The following BRINP1 variants were observed in gnomAD, a reference collection of about 807,000 sequenced individuals.
BRINP1 encodes BMP/retinoic acid-inducible neural-specific protein 1.
A neutral mutation model predicts 72.9 loss-of-function variants in BRINP1; 17 were observed. The observed-to-expected ratio is 0.23, with a 90% CI of 0.16 to 0.35. The LOEUF is 0.35. Ranked by LOEUF, BRINP1 falls within the 10% of genes least tolerant of loss-of-function variation. The pLI, the probability that BRINP1 is intolerant of heterozygous loss-of-function variation, is 1.00. For missense variants in BRINP1, 850 were observed against 1,001.6 expected (o/e 0.85, Z 2.04); for synonymous variants, 418 against 378.5 (o/e 1.10, Z -1.21).
intron 7 of BRINP1, among the ~76,000 whole-genome samples, chr9:119,169,555 G>A (rs1323824976): frequency 1.3e-5 from 2 of 151,784 alleles, no homozygotes; most frequent in African/African-American, 2.4e-5. Flanking sequence ...GGCTGGGGGA[G>A]GGGCGCCCGC....
intron 7 of BRINP1, among the ~76,000 whole-genome samples, chr9:119,201,242 A>C (rs191025568): frequency 6.6e-6 from 1 of 152,192 alleles, no homozygotes; most frequent in African/African-American, 2.4e-5. Flanking sequence ...TTTTACTTTG[A>C]ACTATAGGCT....
intron 1 of BRINP1, among the ~76,000 whole-genome samples, chr9:119,314,949 T>C (rs940453756): frequency 1.3e-5 from 2 of 152,218 alleles, no homozygotes; most frequent in Admixed American, 6.5e-5. Context: ...TTATTCCCTA[T>C]GACAGTGTTT....
In BRINP1 at chr9:119,170,357, G is replaced by A. The variant is rs866631649; in HGVS notation, c.1146-2133C>T. 5.2e-3 allele frequency among the ~76,000 whole-genome samples: 788 copies of A among 150,690 alleles called. 6 individuals carry two copies. The highest frequency in any genetic ancestry group is 0.018 in the African/African-American group (740 of 40,774). ...ATGCAGAAGCCTCAGGAGCCGATGC[G>A]ATCAACTGGAAGAAAGGGTATCAGC... On this transcript the variant is annotated intron_variant, in intron 7 of 7. Transcript: ENST00000265922.
intron 6 of BRINP1, among the ~76,000 whole-genome samples, chr9:119,211,949 T>C (rs1163212234): frequency 6.6e-6 from 1 of 152,220 alleles, no homozygotes. Flanking sequence ...GATTGTATGC[T>C]AAAGAGTCTT....
chr9:119,180,582 G>T (rs962050880), intron 7 of BRINP1, among the ~76,000 whole-genome samples: 1 of 151,812 alleles, frequency 6.6e-6, no homozygotes, highest in Admixed American at 6.6e-5. Context: ...TTGAGATTCC[G>T]CTGAAAACAG....
intron 7 of BRINP1, among the ~76,000 whole-genome samples, chr9:119,193,701 T>C (rs1268525943): frequency 1.3e-5 from 2 of 152,178 alleles, no homozygotes; most frequent in Non-Finnish European, 2.9e-5. Flanking sequence ...AAAAATAAAG[T>C]GCTTGCAAAA....
chr9:119,238,198 A>G (rs1332386268), intron 5 of BRINP1, among the ~76,000 whole-genome samples: 1 of 152,050 alleles, frequency 6.6e-6, no homozygotes, highest in African/African-American at 2.4e-5. Flanking sequence ...AAACAGTGCT[A>G]TGTGTACTTA....
chr9:119,316,447 ATAGC>A (rs1831126089), intron 1 of BRINP1, among the ~76,000 whole-genome samples: 1 of 152,156 alleles, frequency 6.6e-6, no homozygotes, highest in Non-Finnish European at 1.5e-5. Flanking sequence ...GATGATTTTC[ATAGC>A]TAGAGAGAAG....
chr9:119,311,224 A>C (rs561148685), intron 2 of BRINP1, among the ~76,000 whole-genome samples: 1 of 152,284 alleles, frequency 6.6e-6, no homozygotes, highest in South Asian at 2.1e-4. Flanking sequence ...TAATTATTTG[A>C]GGATTAAATA....
chr9:119,256,078 T>C (rs540967117), intron 2 of BRINP1, among the ~76,000 whole-genome samples: 37 of 151,742 alleles, frequency 2.4e-4, no homozygotes, highest in Non-Finnish European at 4.4e-4. Context: ...ACTGATTGAA[T>C]TGGATCATCT....
chr9:119,246,428 G>A (rs1830317439), intron 3 of BRINP1, among the ~76,000 whole-genome samples: 1 of 152,188 alleles, frequency 6.6e-6, no homozygotes, highest in Admixed American at 6.5e-5. Flanking sequence ...CCTGCTGGAT[G>A]TTTCCTCTCC....
At chr9:119,291,141 T>A (rs892321152) in intron 2 of BRINP1, among the ~76,000 whole-genome samples, 3 of 144,520 alleles carry the variant, frequency 2.1e-5, no homozygotes, top group African/African-American at 5.3e-5. Context: ...AAAAAAAAAA[T>A]TAGAAAAAGT....
At chr9:119,362,097 C>T (rs1243122678) in intron 1 of BRINP1, among the ~76,000 whole-genome samples, 1 of 131,040 alleles carries the variant, frequency 7.6e-6, no homozygotes, top group Non-Finnish European at 1.5e-5. Flanking sequence ...GGATTACAGG[C>T]GTGAGCCACC....
intron 7 of BRINP1, among the ~76,000 whole-genome samples, chr9:119,173,016 G>A (rs998167069): frequency 2.7e-5 from 4 of 148,592 alleles, no homozygotes; most frequent in African/African-American, 1.0e-4. Context: ...CAAACCCACA[G>A]CCGATATCAT....
rs569873076 is a variant in BRINP1 at position 119,243,114 on chromosome 9, GTAAACAAACGTA to G, written c.410-910_410-899del. The stretch of plus-strand genomic sequence containing the variant: ...CAGGATGTGCAGTTTTGTTACATAG[GTAAACAAACGTA>G]TGCCATGGTGGTTTGCTGCACCTAT... On this transcript the variant is annotated intron_variant, in intron 3 of 7. Transcript: ENST00000265922. Among the ~76,000 whole-genome samples the G allele has an allele frequency of 3.0e-4, 45 of 152,000 alleles. 1 individual carries two copies. The East Asian group carries it at 8.7e-3, about 29-fold the overall frequency.
At chr9:119,311,169 A>G (rs1831062649) in intron 2 of BRINP1, among the ~76,000 whole-genome samples, 1 of 152,182 alleles carries the variant, frequency 6.6e-6, no homozygotes, top group Admixed American at 6.5e-5. Context: ...TCTTCATTGT[A>G]TCATCTGCCC....
chr9:119,200,184 T>C (rs1045381781), intron 7 of BRINP1, among the ~76,000 whole-genome samples: 1 of 152,236 alleles, frequency 6.6e-6, no homozygotes, highest in South Asian at 2.1e-4. Flanking sequence ...TGTGCATTCA[T>C]TGAACAAGTT....
intron 7 of BRINP1, among the ~76,000 whole-genome samples, chr9:119,189,633 T>C (rs1056690950): frequency 1.9e-4 from 29 of 152,098 alleles, no homozygotes; most frequent in African/African-American, 6.3e-4. Context: ...AATATAAATA[T>C]ACATATGCAC....
intron 5 of BRINP1, among the ~76,000 whole-genome samples, chr9:119,226,933 G>A (rs886191532): frequency 2.6e-5 from 4 of 151,908 alleles, no homozygotes; most frequent in Admixed American, 6.6e-5. Flanking sequence ...GCACTGAGTG[G>A]ATCTGGGTTC....
Sources: allele counts gnomAD v4.1 joint callset (sites outside exome capture counted in the v4.1 genomes callset), GRCh38; gene constraint gnomAD v4.1.1; transcripts MANE v1.5; gene names NCBI Gene and HGNC (gene_info 2026-07-23, HGNC 2026-07-21).